The following ADGRG6 variants were observed in gnomAD, a reference collection of about 807,000 sequenced individuals.
The protein encoded by ADGRG6 is adhesion G protein-coupled receptor G6, also known as G-protein coupled receptor 126.
Under a neutral mutation model 142.4 loss-of-function variants are expected in ADGRG6, and 84 were observed. The observed-to-expected ratio is 0.59, with a 90% confidence interval of 0.49 to 0.71. The LOEUF (loss-of-function observed/expected upper bound fraction) is 0.71, where lower values mean the gene tolerates loss of function less well. Ranked by LOEUF, ADGRG6 falls within the 30% of genes least tolerant of loss-of-function variation. The pLI, the probability that ADGRG6 is intolerant of heterozygous loss-of-function variation, is 0.00. For synonymous variants in ADGRG6, 521 were observed against 520.5 expected (o/e 1.00, Z -0.01); for missense variants, 1,367 against 1,466.6 (o/e 0.93, Z 1.11).
chr6:142,396,377 G>C (rs1470789729), intron 9 of ADGRG6, among the ~76,000 whole-genome samples: 2 of 152,116 alleles, frequency 1.3e-5, no homozygotes, highest in Non-Finnish European at 2.9e-5. Context: ...ATTTTAGAGA[G>C]AGCTTTTCAG....
intron 2 of ADGRG6, among the ~76,000 whole-genome samples, chr6:142,367,101 A>T (rs539996903): frequency 6.6e-6 from 1 of 152,070 alleles, no homozygotes; most frequent in Non-Finnish European, 1.5e-5. Context: ...CTCTTCCTTT[A>T]TATCTATGAT....
At chr6:142,417,238 T>G in intron 20 of ADGRG6, 35 bp from the exon 21 acceptor site, 1 of 1,106,166 alleles carries the variant, frequency 9.0e-7, no homozygotes, top group Non-Finnish European at 1.4e-6. Flanking sequence ...TTCAGATGCT[T>G]CAAAAGAGTT....
intron 1 of ADGRG6, among the ~76,000 whole-genome samples, chr6:142,303,363 T>C (rs1234566175): frequency 6.6e-6 from 1 of 152,166 alleles, no homozygotes; most frequent in Non-Finnish European, 1.5e-5. Flanking sequence ...TCCTGCACTT[T>C]CCATTCCCTA....
At chr6:142,373,499 G>T (rs191142006) in intron 4 of ADGRG6, among the ~76,000 whole-genome samples, 83 of 152,288 alleles carry the variant, frequency 5.5e-4, no homozygotes, top group African/African-American at 1.9e-3. Context: ...TAGACCAGAG[G>T]TTGGCAAATT....
intron 1 of ADGRG6, among the ~76,000 whole-genome samples, chr6:142,307,106 C>T (rs1041998979): frequency 1.3e-5 from 2 of 152,040 alleles, no homozygotes; most frequent in African/African-American, 2.4e-5. Context: ...GTTGCCTGAG[C>T]GCATAAACAG....
At chr6:142,338,419 T>C (rs886940341) in intron 2 of ADGRG6, among the ~76,000 whole-genome samples, 1 of 151,640 alleles carries the variant, frequency 6.6e-6, no homozygotes, top group Non-Finnish European at 1.5e-5. Flanking sequence ...TTTCTTTGGC[T>C]GTAGTTCAAT....
chr6:142,340,991 T>A (rs1313576779), intron 2 of ADGRG6, among the ~76,000 whole-genome samples: 1 of 152,056 alleles, frequency 6.6e-6, no homozygotes, highest in Non-Finnish European at 1.5e-5. Flanking sequence ...GGGTAGGAAT[T>A]GGTTCAGGAA....
chr6:142,342,855 T>C (rs1276492635), intron 2 of ADGRG6, among the ~76,000 whole-genome samples: 1 of 151,884 alleles, frequency 6.6e-6, no homozygotes, highest in Non-Finnish European at 1.5e-5. Flanking sequence ...TATTTTTTTA[T>C]TTTAAAATAT....
At chr6:142,438,766 A>T (rs1215180261) in intron 24 of ADGRG6, among the ~76,000 whole-genome samples, 1 of 152,208 alleles carries the variant, frequency 6.6e-6, no homozygotes, top group East Asian at 1.9e-4. Context: ...AATATCTAGG[A>T]TGTACATTTT....
At chr6:142,326,744 A>C (rs1321057851) in intron 2 of ADGRG6, among the ~76,000 whole-genome samples, 1 of 152,112 alleles carries the variant, frequency 6.6e-6, no homozygotes, top group African/African-American at 2.4e-5. Context: ...TGATCACAGA[A>C]GCATCTGTGG....
intron 2 of ADGRG6, among the ~76,000 whole-genome samples, chr6:142,350,111 T>C (rs1242330974): frequency 6.6e-6 from 1 of 152,178 alleles, no homozygotes; most frequent in Non-Finnish European, 1.5e-5. Context: ...ATCTGAGTTT[T>C]TTTCATCGAT....
intron 2 of ADGRG6, among the ~76,000 whole-genome samples, chr6:142,322,349 AT>A (rs112022103): frequency 6.6e-5 from 10 of 152,164 alleles, no homozygotes; most frequent in African/African-American, 2.4e-4. Flanking sequence ...GTGGTGAGCC[AT>A]GATTGCACTA....
At chr6:142,402,955 T>A in intron 13 of ADGRG6, 125 bp downstream of exon 13, 1 of 519,938 alleles carries the variant, frequency 1.9e-6, no homozygotes, top group Non-Finnish European at 3.3e-6. Flanking sequence ...GTATTGATAG[T>A]CGTTAATAGT....
At chr6:142,421,406 C>T (rs1033731144) in intron 22 of ADGRG6, among the ~76,000 whole-genome samples, 2 of 152,156 alleles carry the variant, frequency 1.3e-5, no homozygotes, top group Non-Finnish European at 2.9e-5. Flanking sequence ...TCAAGTGCAA[C>T]TCCAAAAATT....
intron 2 of ADGRG6, among the ~76,000 whole-genome samples, chr6:142,355,851 G>T (rs1303451118): frequency 2.0e-5 from 3 of 152,084 alleles, no homozygotes; most frequent in Admixed American, 2.0e-4. Context: ...CAGTAAGCAA[G>T]TCGATTTTTA....
intron 2 of ADGRG6, among the ~76,000 whole-genome samples, chr6:142,352,695 A>G (rs1310925369): frequency 6.6e-6 from 1 of 152,196 alleles, no homozygotes; most frequent in African/African-American, 2.4e-5. Flanking sequence ...TTTGAAATAT[A>G]CATGTCAAGT....
intron 2 of ADGRG6, among the ~76,000 whole-genome samples, chr6:142,365,887 A>G (rs1181076111): frequency 2.0e-5 from 3 of 152,216 alleles, no homozygotes; most frequent in Non-Finnish European, 4.4e-5. Context: ...TTTTCAAGAA[A>G]TGTTATTGTA....
At chr6:142,314,091 G>T (rs907991694) in intron 2 of ADGRG6, among the ~76,000 whole-genome samples, 5 of 152,178 alleles carry the variant, frequency 3.3e-5, no homozygotes, top group African/African-American at 1.2e-4. Flanking sequence ...ATTAGCGTCA[G>T]TGTGAGTGAA....
chr6:142,337,438 C>T (rs540930005), intron 2 of ADGRG6, among the ~76,000 whole-genome samples: 1 of 152,066 alleles, frequency 6.6e-6, no homozygotes, highest in Non-Finnish European at 1.5e-5. Flanking sequence ...AGCTATGAAA[C>T]CAAAACAAAC....
Sources: allele counts gnomAD v4.1 joint callset (sites outside exome capture counted in the v4.1 genomes callset), GRCh38; gene constraint gnomAD v4.1.1; transcripts MANE v1.5; gene names NCBI Gene and HGNC (gene_info 2026-07-23, HGNC 2026-07-21).